DLG2: variants seen among roughly 807,000 people sequenced by gnomAD.
DLG2 encodes disks large homolog 2.
In DLG2, 45 loss-of-function variants were observed where a neutral mutation model predicts 132.5. The ratio of observed to expected loss-of-function variants is 0.34; its 90% CI spans 0.27 to 0.44. DLG2 has a LOEUF of 0.44. DLG2 is among the 20% of genes least tolerant of loss of function. The pLI is 1.00. For missense variants in DLG2, 1,045 were observed against 1,196.9 expected (o/e 0.87, Z 1.87); for synonymous variants, 424 against 419.6 (o/e 1.01, Z -0.13).
intron 6 of DLG2, among the ~76,000 whole-genome samples, chr11:84,832,922 CAA>C (rs1344352333): frequency 6.6e-6 from 1 of 151,524 alleles, no homozygotes; most frequent in African/African-American, 2.4e-5. Context: ...GTCTATATCC[CAA>C]AGTCTTATCT....
chr11:83,850,160 G>GTGTGTGTT (rs1452960432), intron 16 of DLG2, among the ~76,000 whole-genome samples: 2,147 of 124,316 alleles, frequency 0.017, 22 homozygotes, highest in Non-Finnish European at 0.023. Context: ...GTGTGTGTGT[G>GTGTGTGTT]TTTTTTTACT....
At chr11:83,881,470 C>T (rs11233776) in intron 15 of DLG2, among the ~76,000 whole-genome samples, 38,743 of 152,024 alleles carry the variant, frequency 0.25, 5,115 homozygotes, top group East Asian at 0.39. Context: ...GATGTGTTGG[C>T]CATTATAGAA....
intron 6 of DLG2, among the ~76,000 whole-genome samples, chr11:84,626,209 T>C (rs2099622255): frequency 1.3e-5 from 2 of 152,208 alleles, no homozygotes. Context: ...GTATAACTTA[T>C]CAGTGGTTTC....
At chr11:83,673,199 T>C (rs920257227) in intron 18 of DLG2, among the ~76,000 whole-genome samples, 2 of 152,240 alleles carry the variant, frequency 1.3e-5, no homozygotes, top group Non-Finnish European at 1.5e-5. Flanking sequence ...GACAAACACA[T>C]GCTCATTGTT....
At chr11:83,641,862 AGTGTGT>A (rs34754104) in intron 18 of DLG2, among the ~76,000 whole-genome samples, 34,286 of 147,780 alleles carry the variant, frequency 0.23, 4,240 homozygotes, top group African/African-American at 0.33. Flanking sequence ...AGAGAGAGGG[AGTGTGT>A]GTGTGTGTGT....
chr11:85,312,354 A>T (rs2080366663), intron 3 of DLG2, among the ~76,000 whole-genome samples: 1 of 151,000 alleles, frequency 6.6e-6, no homozygotes, highest in South Asian at 2.1e-4. Flanking sequence ...GTAAAATTTT[A>T]ACTTATTATA....
intron 6 of DLG2, among the ~76,000 whole-genome samples, chr11:85,070,608 C>G (rs2065698276): frequency 6.6e-6 from 1 of 151,650 alleles, no homozygotes; most frequent in South Asian, 2.1e-4. Flanking sequence ...AGCACTAAAC[C>G]AAAAAGTAAG....
intron 7 of DLG2, among the ~76,000 whole-genome samples, chr11:84,501,955 T>C (rs995036235): frequency 7.9e-5 from 12 of 152,170 alleles, no homozygotes; most frequent in Admixed American, 1.3e-4. Flanking sequence ...AGCAATGCTG[T>C]GAACCTTGGG....
intron 6 of DLG2, among the ~76,000 whole-genome samples, chr11:84,753,585 A>G (rs59738695): frequency 0.015 from 2,311 of 152,344 alleles, 73 homozygotes; most frequent in African/African-American, 0.052. Flanking sequence ...TGATAAGTCT[A>G]AAGTGACTAT....
chr11:84,057,538 T>A (rs2096525157), intron 11 of DLG2, among the ~76,000 whole-genome samples: 1 of 152,168 alleles, frequency 6.6e-6, no homozygotes, highest in Non-Finnish European at 1.5e-5. Flanking sequence ...GCTTCACTTT[T>A]TTTTCTTTTT....
At chr11:84,844,912 G>A (rs1425464643) in intron 6 of DLG2, among the ~76,000 whole-genome samples, 4 of 152,044 alleles carry the variant, frequency 2.6e-5, no homozygotes, top group Non-Finnish European at 5.9e-5. Flanking sequence ...CAAAATGAAT[G>A]GATTGATATG....
At chr11:84,061,476 T>C (rs2096589429) in intron 10 of DLG2, among the ~76,000 whole-genome samples, 1 of 152,230 alleles carries the variant, frequency 6.6e-6, no homozygotes, top group Non-Finnish European at 1.5e-5. Flanking sequence ...AGTCCTCTGC[T>C]TAAAGCTGTC....
At chr11:83,917,984 C>A (rs530601632) in intron 15 of DLG2, among the ~76,000 whole-genome samples, 1 of 152,226 alleles carries the variant, frequency 6.6e-6, no homozygotes, top group East Asian at 1.9e-4. Context: ...GGATTGTTTG[C>A]AAGTCCCCTT....
intron 15 of DLG2, among the ~76,000 whole-genome samples, chr11:83,886,015 C>G (rs915930209): frequency 6.6e-6 from 1 of 152,174 alleles, no homozygotes; most frequent in Non-Finnish European, 1.5e-5. Context: ...TAAAGATCAT[C>G]GAGGCTAGGA....
At chr11:84,000,251 A>T (rs763151387) in intron 11 of DLG2, among the ~76,000 whole-genome samples, 1 of 152,140 alleles carries the variant, frequency 6.6e-6, no homozygotes, top group East Asian at 1.9e-4. Context: ...GAAAGCTTCA[A>T]CACTAGATTA....
intron 7 of DLG2, among the ~76,000 whole-genome samples, chr11:84,508,223 C>T (rs1273864996): frequency 1.3e-5 from 2 of 152,078 alleles, no homozygotes; most frequent in Non-Finnish European, 2.9e-5. Context: ...ACTACTTTGT[C>T]TTCTTCATAT....
intron 7 of DLG2, among the ~76,000 whole-genome samples, chr11:84,495,978 C>T (rs976742255): frequency 2.0e-5 from 3 of 152,074 alleles, no homozygotes; most frequent in Admixed American, 6.6e-5. Flanking sequence ...GCTGAGTTTC[C>T]ACGTGGGACT....
At chr11:84,072,210 C>T (rs1201646230) in intron 10 of DLG2, among the ~76,000 whole-genome samples, 1 of 152,232 alleles carries the variant, frequency 6.6e-6, no homozygotes, top group Non-Finnish European at 1.5e-5. Flanking sequence ...TCACATAACA[C>T]CCAAGTCTTT....
intron 10 of DLG2, among the ~76,000 whole-genome samples, chr11:84,093,879 T>C (rs1291191564): frequency 6.6e-6 from 1 of 152,132 alleles, no homozygotes; most frequent in Non-Finnish European, 1.5e-5. Flanking sequence ...CCTCCCAAAG[T>C]GCTGGGATTA....
Sources: allele counts gnomAD v4.1 joint callset (sites outside exome capture counted in the v4.1 genomes callset), GRCh38; gene constraint gnomAD v4.1.1; transcripts MANE v1.5; gene names NCBI Gene and HGNC (gene_info 2026-07-23, HGNC 2026-07-21).